Variants in ENOX1 observed in about 807,000 individuals in gnomAD.
ENOX1 encodes candidate growth-related and time keeping constitutive hydroquinone (NADH) oxidase.
A neutral mutation model predicts 82.5 loss-of-function variants in ENOX1; 42 were observed. That is an observed-to-expected ratio of 0.51 (90% CI 0.40 to 0.66). The LOEUF is 0.66. Ranked by LOEUF, ENOX1 falls within the 30% of genes least tolerant of loss-of-function variation. The probability of loss-of-function intolerance (pLI) is 0.00; values close to 1 mark genes in which losing one functional copy is unlikely to be tolerated. For missense variants in ENOX1, 608 were observed against 811.6 expected, an observed-to-expected ratio of 0.75 and a Z score of 3.05; for synonymous variants, 271 against 282.2, an observed-to-expected ratio of 0.96 and a Z score of 0.40.
intron 5 of ENOX1, among the ~76,000 whole-genome samples, chr13:43,373,935 T>C (rs1012338545): frequency 6.6e-6 from 1 of 152,258 alleles, no homozygotes; most frequent in African/African-American, 2.4e-5. Flanking sequence ...TTCTCCACAG[T>C]GTTGATCCCT....
chr13:43,557,000 GA>G lies in ENOX1; in HGVS notation c.-218-72849del, dbSNP rs2079468658. ...AAAGGACACATGCTTCAATCAGTAG[GA>G]AAAGCCTGGGCAAGCCAGTGCAGGC... On this transcript the variant is annotated intron_variant, in intron 2 of 16. Coordinates refer to ENST00000690772, the MANE Select transcript of ENOX1 (RefSeq NM_001347969.2). Among the ~76,000 whole-genome samples, 3 of 152,322 alleles carry G rather than the reference GA, an allele frequency of 2.0e-5. No homozygotes were observed. The South Asian group carries it at 6.2e-4, about 32-fold the overall frequency.
At chr13:43,711,541 T>A (rs372841251) in intron 1 of ENOX1, among the ~76,000 whole-genome samples, 3 of 152,096 alleles carry the variant, frequency 2.0e-5, no homozygotes, top group Non-Finnish European at 2.9e-5. Context: ...CCACCAACAG[T>A]GTGAAAGTGT....
chr13:43,470,388 G>GTA (rs1404278128), intron 3 of ENOX1, among the ~76,000 whole-genome samples: 7 of 76,282 alleles, frequency 9.2e-5, no homozygotes, highest in South Asian at 4.3e-4. Flanking sequence ...ATATATATAC[G>GTA]TATATATATG....
chr13:43,236,832 G>A, intron 14 of ENOX1, 94 bp from the exon 15 acceptor site: 1 of 555,712 alleles, frequency 1.8e-6, no homozygotes, highest in Non-Finnish European at 3.0e-6. Flanking sequence ...CTATAAATAA[G>A]GTCATCACTT....
intron 5 of ENOX1, among the ~76,000 whole-genome samples, chr13:43,401,207 T>C (rs773749772): frequency 1.3e-5 from 2 of 152,190 alleles, no homozygotes; most frequent in Admixed American, 6.5e-5. Flanking sequence ...AGGCAATACA[T>C]ACATTCACTT....
intron 3 of ENOX1, among the ~76,000 whole-genome samples, chr13:43,433,273 C>A (rs1008857155): frequency 2.6e-5 from 4 of 152,142 alleles, no homozygotes; most frequent in Admixed American, 6.5e-5. Flanking sequence ...ATAACCCACT[C>A]TCATGAGAAC....
intron 3 of ENOX1, among the ~76,000 whole-genome samples, chr13:43,449,062 C>T (rs889294240): frequency 6.6e-6 from 1 of 152,230 alleles, no homozygotes; most frequent in South Asian, 2.1e-4. Flanking sequence ...TTGCCAGATA[C>T]AGTCTAGGCA....
intron 2 of ENOX1, among the ~76,000 whole-genome samples, chr13:43,568,262 T>C (rs2080004958): frequency 1.3e-5 from 2 of 152,200 alleles, no homozygotes; most frequent in African/African-American, 4.8e-5. Flanking sequence ...TTTTTTCCCC[T>C]TCCTCTTGCA....
intron 11 of ENOX1, among the ~76,000 whole-genome samples, chr13:43,321,435 A>G (rs2047802296): frequency 1.3e-5 from 2 of 152,146 alleles, no homozygotes; most frequent in Non-Finnish European, 2.9e-5. Flanking sequence ...GCACCCCTAC[A>G]TTCTCTTCTA....
intron 1 of ENOX1, among the ~76,000 whole-genome samples, chr13:43,723,353 G>A (rs1004167316): frequency 6.6e-6 from 1 of 152,048 alleles, no homozygotes; most frequent in Admixed American, 6.5e-5. Context: ...ACCAAAATCT[G>A]TAAAAGCAAA....
chr13:43,605,374 A>G (rs1014809234), intron 2 of ENOX1, among the ~76,000 whole-genome samples: 3 of 152,212 alleles, frequency 2.0e-5, no homozygotes, highest in Non-Finnish European at 2.9e-5. Flanking sequence ...CAAAAAGAAC[A>G]AAAGTAAAAG....
chr13:43,224,846 A>C (rs1364568026), intron 15 of ENOX1, among the ~76,000 whole-genome samples: 1 of 152,246 alleles, frequency 6.6e-6, no homozygotes, highest in Non-Finnish European at 1.5e-5. Context: ...ACAAATGAAA[A>C]GCTGGACGTT....
At chr13:43,779,278 G>A (rs1319084559) in intron 1 of ENOX1, among the ~76,000 whole-genome samples, 1 of 151,992 alleles carries the variant, frequency 6.6e-6, no homozygotes, top group Non-Finnish European at 1.5e-5. Flanking sequence ...TTTATTTGGG[G>A]AGGGGATCCT....
chr13:43,364,640 G>A (rs551405096), intron 5 of ENOX1, among the ~76,000 whole-genome samples: 41 of 152,196 alleles, frequency 2.7e-4, no homozygotes, highest in Non-Finnish European at 5.6e-4. Flanking sequence ...GGGGCTTTGT[G>A]TTCAGGATTT....
chr13:43,363,036 T>C (rs891740941), intron 5 of ENOX1, among the ~76,000 whole-genome samples: 3 of 152,212 alleles, frequency 2.0e-5, no homozygotes, highest in African/African-American at 7.2e-5. Context: ...TTTCTTCATC[T>C]GTAATATGGT....
At chr13:43,507,288 A>G (rs561233723) in intron 2 of ENOX1, among the ~76,000 whole-genome samples, 2 of 152,084 alleles carry the variant, frequency 1.3e-5, no homozygotes, top group East Asian at 3.9e-4. Flanking sequence ...AGAAATTTCC[A>G]CAAGTGAAGG....
At chr13:43,756,477 G>GGAGGGGAAGGGGAGGGGAAGGGAGA (rs1950643692) in intron 1 of ENOX1, among the ~76,000 whole-genome samples, 1 of 132,868 alleles carries the variant, frequency 7.5e-6, no homozygotes, top group African/African-American at 2.8e-5. Context: ...GGAGGGGAGG[G>GGAGGGGAAGGGGAGGGGAAGGGAGA]GAGGGGAAGG....
intron 9 of ENOX1, among the ~76,000 whole-genome samples, chr13:43,333,501 G>A (rs2048524921): frequency 6.6e-6 from 1 of 152,216 alleles, no homozygotes; most frequent in Admixed American, 6.5e-5. Context: ...TCACATAGCA[G>A]CAGGAGGAGA....
chr13:43,569,259 G>A (rs1330063715), intron 2 of ENOX1, among the ~76,000 whole-genome samples: 2 of 152,178 alleles, frequency 1.3e-5, no homozygotes, highest in African/African-American at 4.8e-5. Context: ...TTCTCATAAG[G>A]CTCTCTTAGG....
Sources: allele counts gnomAD v4.1 joint callset (sites outside exome capture counted in the v4.1 genomes callset), GRCh38; gene constraint gnomAD v4.1.1; transcripts MANE v1.5; gene names NCBI Gene and HGNC (gene_info 2026-07-23, HGNC 2026-07-21).